Variants in CHCHD6 observed in about 807,000 individuals in gnomAD.
CHCHD6 encodes the protein MICOS complex subunit MIC25.
CHCHD6 carries 28 observed loss-of-function variants against 32.3 expected under a neutral mutation model. That is an observed-to-expected ratio of 0.87 (90% CI 0.64 to 1.19). The LOEUF (loss-of-function observed/expected upper bound fraction) is 1.19, where lower values mean the gene tolerates loss of function less well. Ranked by LOEUF, CHCHD6 falls within the 50% of genes most tolerant of loss-of-function variation. CHCHD6 has a pLI of 0.00. For missense variants in CHCHD6, 333 were observed against 307.0 expected, an observed-to-expected ratio of 1.08 and a Z score of -0.63; for synonymous variants, 122 against 117.5, an observed-to-expected ratio of 1.04 and a Z score of -0.25.
intron 6 of CHCHD6, among the ~76,000 whole-genome samples, chr3:126,929,714 C>T (rs1282137061): frequency 2.6e-5 from 4 of 152,010 alleles, no homozygotes; most frequent in Non-Finnish European, 5.9e-5. Flanking sequence ...TACAGGCGCC[C>T]ACCACCATGC....
At chr3:126,776,375 T>C (rs1312030487) in intron 4 of CHCHD6, among the ~76,000 whole-genome samples, 1 of 152,202 alleles carries the variant, frequency 6.6e-6, no homozygotes, top group Non-Finnish European at 1.5e-5. Flanking sequence ...TTATGTCTGA[T>C]GCTCTCTTTA....
intron 1 of CHCHD6, among the ~76,000 whole-genome samples, chr3:126,706,235 G>C (rs1041335365): frequency 2.0e-5 from 3 of 152,030 alleles, no homozygotes; most frequent in Non-Finnish European, 4.4e-5. Flanking sequence ...TGTTTTTTGA[G>C]TATTATATAA....
intron 5 of CHCHD6, among the ~76,000 whole-genome samples, chr3:126,861,670 A>G (rs1337320575): frequency 3.0e-5 from 4 of 133,186 alleles, no homozygotes; most frequent in Non-Finnish European, 6.5e-5. Flanking sequence ...CTCTACCATC[A>G]CCACCTTCCC....
At chr3:126,946,512 G>A (rs144850940) in intron 6 of CHCHD6, among the ~76,000 whole-genome samples, 3 of 152,244 alleles carry the variant, frequency 2.0e-5, no homozygotes, top group African/African-American at 4.8e-5. Context: ...AGGCTCTCTC[G>A]CAAGCCTCAG....
chr3:126,884,464 C>T (rs2107574765), intron 5 of CHCHD6, among the ~76,000 whole-genome samples: 1 of 152,248 alleles, frequency 6.6e-6, no homozygotes, highest in African/African-American at 2.4e-5. Flanking sequence ...TATCTACCAA[C>T]ATTTTGAAAC....
chr3:126,785,891 A>G lies in CHCHD6; in HGVS notation c.411+52669A>G, dbSNP rs1049663856. Among the ~76,000 whole-genome samples, 8 of 152,280 alleles carry G rather than the reference A, an allele frequency of 5.3e-5. No individual in the cohort carries two copies. In the East Asian group the frequency reaches 9.6e-4, roughly 18 times the overall value. Reference sequence around the variant, plus strand: ...TGTGCACAACGTGCAGGTTTGTTACATATGTATACATGTGCCATGTTGGTG... The same window carrying G: ...TGTGCACAACGTGCAGGTTTGTTACGTATGTATACATGTGCCATGTTGGTG... On this transcript the variant is annotated intron_variant, in intron 4 of 7. Transcript: ENST00000290913.
At chr3:126,791,529 C>T (rs1475069909) in intron 4 of CHCHD6, among the ~76,000 whole-genome samples, 1 of 152,248 alleles carries the variant, frequency 6.6e-6, no homozygotes, top group African/African-American at 2.4e-5. Context: ...ATGGCGGGCG[C>T]CCCTCCCCCA....
intron 6 of CHCHD6, among the ~76,000 whole-genome samples, chr3:126,938,881 C>T (rs1301113239): frequency 6.6e-6 from 1 of 152,236 alleles, no homozygotes; most frequent in Non-Finnish European, 1.5e-5. Flanking sequence ...CCCAAGCTCC[C>T]TGCATGTTGG....
At chr3:126,830,041 T>G (rs938093836) in intron 4 of CHCHD6, among the ~76,000 whole-genome samples, 2 of 152,124 alleles carry the variant, frequency 1.3e-5, no homozygotes, top group African/African-American at 2.4e-5. Context: ...GAGGTTGCAG[T>G]GAGCCGAGAT....
chr3:126,724,755 C>T (rs535604471), intron 1 of CHCHD6, among the ~76,000 whole-genome samples: 2 of 152,296 alleles, frequency 1.3e-5, no homozygotes, highest in Admixed American at 1.3e-4. Context: ...GTTTATGATC[C>T]TATTCTAAAT....
chr3:126,751,472 C>G lies in CHCHD6; in HGVS notation c.411+18250C>G, dbSNP rs373903518. On this transcript the variant is annotated intron_variant, in intron 4 of 7. Coordinates refer to ENST00000290913, the MANE Select transcript of CHCHD6 (RefSeq NM_032343.3). ...AGCCGAGATCATGTCACACTGCACT[C>G]TAGCCTAGGTGACAGAGTGAGACCC... Among the ~76,000 whole-genome samples, 24 of 139,332 alleles carry G rather than the reference C, an allele frequency of 1.7e-4. No homozygotes were observed. In the South Asian group the frequency reaches 2.2e-3, roughly 13 times the overall value. 91.4% of individuals were successfully genotyped at this position (139,332 alleles called of 152,430 possible).
intron 6 of CHCHD6, among the ~76,000 whole-genome samples, chr3:126,955,115 C>T (rs1037420089): frequency 6.6e-5 from 10 of 152,240 alleles, no homozygotes; most frequent in African/African-American, 2.2e-4. Context: ...TGAGGCCAGC[C>T]GTCCCCCAAG....
intron 4 of CHCHD6, among the ~76,000 whole-genome samples, chr3:126,810,542 T>G (rs1479824304): frequency 1.3e-5 from 2 of 152,206 alleles, no homozygotes; most frequent in African/African-American, 4.8e-5. Context: ...GAGATCAAAA[T>G]GTAGTGTGAC....
chr3:126,826,046 A>G (rs1940379558), intron 4 of CHCHD6, among the ~76,000 whole-genome samples: 1 of 152,240 alleles, frequency 6.6e-6, no homozygotes, highest in Admixed American at 6.5e-5. Context: ...AGACCTGCTA[A>G]TAAAAATACT....
intron 5 of CHCHD6, among the ~76,000 whole-genome samples, chr3:126,881,211 A>G (rs183386651): frequency 2.0e-5 from 3 of 152,302 alleles, no homozygotes; most frequent in Admixed American, 6.5e-5. Flanking sequence ...TGCTCTGTAC[A>G]TTTGTTCCTG....
intron 4 of CHCHD6, among the ~76,000 whole-genome samples, chr3:126,762,367 C>A (rs1394238648): frequency 6.6e-6 from 1 of 152,120 alleles, no homozygotes; most frequent in South Asian, 2.1e-4. Context: ...CAAGTTATAT[C>A]CTAATTTCCT....
At chr3:126,709,905 T>A (rs1451071656) in intron 1 of CHCHD6, among the ~76,000 whole-genome samples, 3 of 152,230 alleles carry the variant, frequency 2.0e-5, no homozygotes, top group Non-Finnish European at 4.4e-5. Context: ...ATGCAAATAC[T>A]ATGCCATTTT....
chr3:126,879,143 A>G lies in CHCHD6; in HGVS notation c.495+26413A>G, dbSNP rs186487013. 6.6e-5 allele frequency among the ~76,000 whole-genome samples: 10 copies of G among 152,324 alleles called. No individual in the cohort carries two copies. The East Asian group carries it at 1.5e-3, about 23-fold the overall frequency. On this transcript the variant is annotated intron_variant, in intron 5 of 7. Coordinates refer to ENST00000290913, the MANE Select transcript of CHCHD6 (RefSeq NM_032343.3). ...AGGAGCACAAGGTGTTTTGCAGTCT[A>G]GCCTTGTTGATTGCATAATGCCACT...
chr3:126,903,908 G>C (rs1333888046), intron 5 of CHCHD6, among the ~76,000 whole-genome samples: 1 of 152,172 alleles, frequency 6.6e-6, no homozygotes, highest in Non-Finnish European at 1.5e-5. Flanking sequence ...CCTGGCCTCA[G>C]GTTGGCTCCA....
Sources: gnomAD v4.1 joint callset for allele counts (sites outside exome capture counted in the v4.1 genomes callset) on GRCh38, gnomAD v4.1.1 for gene constraint, MANE v1.5 for transcripts, NCBI Gene and HGNC (gene_info 2026-07-23, HGNC 2026-07-21) for gene names.